Variants in CTNNA3 observed in about 807,000 individuals in gnomAD.
The protein encoded by CTNNA3 is catenin alpha 3.
A neutral mutation model predicts 95.7 loss-of-function variants in CTNNA3; 76 were observed. That is an observed-to-expected ratio of 0.79 (90% CI 0.66 to 0.96). The LOEUF (loss-of-function observed/expected upper bound fraction) is 0.96, where lower values mean the gene tolerates loss of function less well. Among genes scored for constraint, CTNNA3 ranks in the 40% least tolerant of loss-of-function variants. The pLI is 0.00. For missense variants in CTNNA3, 1,191 were observed against 1,089.8 expected (o/e 1.09, Z -1.31); for synonymous variants, 431 against 374.4 (o/e 1.15, Z -1.74).
intron 1 of CTNNA3, among the ~76,000 whole-genome samples, chr10:67,662,786 T>C (rs1045303701): frequency 6.6e-6 from 1 of 152,204 alleles, no homozygotes; most frequent in Non-Finnish European, 1.5e-5. Flanking sequence ...GTGATGGTTC[T>C]ATAACTGTAT....
chr10:67,301,994 CGAAAGAACGAAAGAAAGAAAGAAAGAAA>C (rs1564548135), intron 5 of CTNNA3, among the ~76,000 whole-genome samples: 1,336 of 36,748 alleles, frequency 0.036, 127 homozygotes, highest in East Asian at 0.048. Flanking sequence ...AAAGAAAGAA[CGAAAGAACGAAAGAAAGAAAGAAAGAAA>C]GAAAGAAAGA....
chr10:66,303,568 AAAAAT>A (rs1255760773), intron 12 of CTNNA3, among the ~76,000 whole-genome samples: 2 of 152,120 alleles, frequency 1.3e-5, no homozygotes, highest in Non-Finnish European at 2.9e-5. Context: ...TGAAGTGAAT[AAAAAT>A]AAAAGTCTTA....
At chr10:66,918,463 C>A (rs1038068162) in intron 7 of CTNNA3, among the ~76,000 whole-genome samples, 1 of 152,190 alleles carries the variant, frequency 6.6e-6, no homozygotes, top group Non-Finnish European at 1.5e-5. Context: ...CAAATATCCA[C>A]TTTGGGGCTG....
intron 9 of CTNNA3, among the ~76,000 whole-genome samples, chr10:66,710,763 AT>A (rs1217300359): frequency 1.3e-5 from 2 of 151,982 alleles, no homozygotes; most frequent in Non-Finnish European, 2.9e-5. Context: ...AAAAGTAGTA[AT>A]TTTAAATACA....
intron 9 of CTNNA3, among the ~76,000 whole-genome samples, chr10:66,706,710 T>A (rs1261938499): frequency 6.6e-6 from 1 of 152,016 alleles, no homozygotes; most frequent in African/African-American, 2.4e-5. Context: ...TAATACTGAA[T>A]TATGAGGAAT....
At chr10:65,968,461 A>C (rs2078023927) in intron 16 of CTNNA3, among the ~76,000 whole-genome samples, 1 of 152,170 alleles carries the variant, frequency 6.6e-6, no homozygotes, top group Admixed American at 6.5e-5. Flanking sequence ...GGCATAGATC[A>C]TGGTGCATCA....
intron 1 of CTNNA3, among the ~76,000 whole-genome samples, chr10:67,656,312 A>G (rs1044249154): frequency 6.6e-6 from 1 of 152,176 alleles, no homozygotes; most frequent in African/African-American, 2.4e-5. Flanking sequence ...GGACTTTACA[A>G]ATATTTTTGA....
At chr10:67,541,225 T>A (rs912251887) in intron 3 of CTNNA3, among the ~76,000 whole-genome samples, 14 of 151,886 alleles carry the variant, frequency 9.2e-5, no homozygotes, top group East Asian at 3.8e-4. Context: ...TTGTTATATA[T>A]TGCCCCAAAA....
chr10:65,923,551 T>C (rs1006515038), intron 17 of CTNNA3, among the ~76,000 whole-genome samples: 1 of 152,218 alleles, frequency 6.6e-6, no homozygotes, highest in Non-Finnish European at 1.5e-5. Context: ...CAGGGTGGCT[T>C]CACAGGCAAA....
intron 13 of CTNNA3, among the ~76,000 whole-genome samples, chr10:66,230,364 T>C (rs757206812): frequency 1.9e-4 from 29 of 152,126 alleles, no homozygotes; most frequent in Non-Finnish European, 4.0e-4. Context: ...CTTTTTCCTG[T>C]AGATATTTTC....
chr10:66,481,912 C>T (rs1392734610), intron 11 of CTNNA3, among the ~76,000 whole-genome samples: 2 of 151,612 alleles, frequency 1.3e-5, no homozygotes, highest in Non-Finnish European at 2.9e-5. Flanking sequence ...TATTTGTATA[C>T]CCATGTTAGA....
intron 9 of CTNNA3, among the ~76,000 whole-genome samples, chr10:66,697,826 G>A (rs1847819509): frequency 6.6e-6 from 1 of 152,102 alleles, no homozygotes; most frequent in Non-Finnish European, 1.5e-5. Flanking sequence ...GAGAGATATA[G>A]TGTATAAACT....
intron 7 of CTNNA3, among the ~76,000 whole-genome samples, chr10:66,948,226 G>C (rs903181625): frequency 7.2e-5 from 11 of 152,160 alleles, no homozygotes; most frequent in African/African-American, 2.7e-4. Flanking sequence ...TTGGTGAACT[G>C]TGATCAGACA....
intron 9 of CTNNA3, among the ~76,000 whole-genome samples, chr10:66,635,098 A>G (rs10509271): frequency 0.14 from 21,129 of 152,052 alleles, 1,594 homozygotes; most frequent in South Asian, 0.24. Context: ...AAAACCAGCT[A>G]GATAGTTTAT....
At chr10:66,112,366 AC>A (rs2082153384) in intron 13 of CTNNA3, among the ~76,000 whole-genome samples, 1 of 152,148 alleles carries the variant, frequency 6.6e-6, no homozygotes, top group Non-Finnish European at 1.5e-5. Context: ...AGAATTGGTG[AC>A]TTTTCTTCTT....
intron 5 of CTNNA3, among the ~76,000 whole-genome samples, chr10:67,262,608 G>A (rs553376121): frequency 2.0e-5 from 3 of 152,244 alleles, no homozygotes; most frequent in East Asian, 1.9e-4. Context: ...CATAAAAACC[G>A]AAACCGCTTT....
intron 7 of CTNNA3, chr10:67,099,779 A>C (rs973110470): frequency 1.3e-5 from 2 of 152,040 alleles, no homozygotes; most frequent in Non-Finnish European, 3.0e-5. Flanking sequence ...GCTCTTCAAA[A>C]ATTTTTGTCA....
chr10:66,288,695 C>T (rs2091630981), intron 12 of CTNNA3, among the ~76,000 whole-genome samples: 1 of 152,190 alleles, frequency 6.6e-6, no homozygotes, highest in African/African-American at 2.4e-5. Context: ...TTGGACAGCA[C>T]TATTTCAAAT....
intron 11 of CTNNA3, among the ~76,000 whole-genome samples, chr10:66,440,575 G>A (rs1009385699): frequency 2.0e-5 from 3 of 152,080 alleles, no homozygotes; most frequent in Non-Finnish European, 2.9e-5. Context: ...CCAATCTTTA[G>A]TGACTTTTGT....
Sources: gnomAD v4.1 joint callset for allele counts (sites outside exome capture counted in the v4.1 genomes callset) on GRCh38, gnomAD v4.1.1 for gene constraint, MANE v1.5 for transcripts, NCBI Gene and HGNC (gene_info 2026-07-23, HGNC 2026-07-21) for gene names.